Variants in EID2B observed in about 807,000 individuals in gnomAD.
EID2B encodes the protein EP300 interacting inhibitor of differentiation 2B, also known as EP300-interacting inhibitor of differentiation 2B.
Under a neutral mutation model 5.9 loss-of-function variants are expected in EID2B, and 6 were observed. The observed-to-expected ratio is 1.01, with a 90% CI of 0.55 to 2.00. The LOEUF is 2.00. Ranked by LOEUF, EID2B falls within the 30% of genes most tolerant of loss-of-function variation. The probability of loss-of-function intolerance (pLI) is 0.00; values close to 1 mark genes in which losing one functional copy is unlikely to be tolerated. For synonymous variants in EID2B, 94 were observed against 104.2 expected (o/e 0.90, Z 0.60); for missense variants, 234 against 228.1 (o/e 1.03, Z -0.17).
rs748128687 is a variant in EID2B, at chr19:39,532,496, T to C, written c.307A>G (p.Ser103Gly). The C allele has an allele frequency of 1.2e-6, 2 of 1,614,162 alleles. No individual in the cohort carries two copies. Among genetic ancestry groups the C allele is most frequent in the Non-Finnish European group, 1.7e-6 (2 of 1,180,028 alleles). The stretch of plus-strand genomic sequence containing the variant: ...AGTAATCTGACCGGAATCATGGAGC[T>C]ACCATCCAGATACTCGCGGAACAAC... ...QLLFREYLDG[S>G]SMIPVRLLRD... is the part of the protein sequence containing the mutation. Residue 103 changes from serine (S) to glycine (G), a missense_variant, in exon 1 of 1, where the codon AGC (serine) becomes GGC (glycine). By Grantham distance (56) the Ser-to-Gly change is moderately conservative. Transcript: ENST00000326282.
Position 39,532,658 on chromosome 19 carries a change from G to C in EID2B, c.145C>G (p.Pro49Ala). 6.2e-7 allele frequency: 1 copy of C among 1,606,900 alleles called. No individual in the cohort carries two copies. The highest frequency in any genetic ancestry group is 1.3e-5 in the African/African-American group (1 of 74,884). Residue 49 changes from proline (P) to alanine (A), a missense_variant, in exon 1 of 1, where the codon CCA (proline) becomes GCA (alanine). Pro to Ala is a conservative substitution (Grantham distance 27). Transcript: ENST00000326282. ...ATGGACCGCGCAGCTTCGGCCACTGGGCCTTCCCGAGCCTCCTGCACCCGA... is the reference window on the plus strand; with the variant it reads ...ATGGACCGCGCAGCTTCGGCCACTGCGCCTTCCCGAGCCTCCTGCACCCGA... The part of the protein sequence containing the change: ...GVRVQEAREG[P>A]VAEAARSMAR...
Position 39,532,185 on chromosome 19 carries a change from T to G in EID2B, c.*132A>C, listed in dbSNP as rs771714112. The G allele has an allele frequency of 4.7e-5, 50 of 1,064,146 alleles. No individual in the cohort carries two copies. The highest frequency in any genetic ancestry group is 6.3e-5 in the Non-Finnish European group (47 of 745,426). The allele number at this position is 1,064,146 out of a possible 1,614,324, so 65.9% of individuals were successfully genotyped here. A position where few individuals can be genotyped will look rare whatever the true frequency, so the allele number is the denominator to read the frequency against. Reference sequence around the variant, plus strand: ...TGTGCTTCCTCCTTCAATTGCACATTGCCGTATTCCCTTCCAGTTTGCATT... The same window carrying G: ...TGTGCTTCCTCCTTCAATTGCACATGGCCGTATTCCCTTCCAGTTTGCATT... On this transcript the variant is annotated 3_prime_UTR_variant, in exon 1 of 1. Coordinates refer to ENST00000326282, the MANE Select transcript of EID2B (RefSeq NM_152361.3).
At position 39,532,476 on chromosome 19, in the gene EID2B, T is replaced by A. The variant is rs1347028892; in HGVS notation, c.327A>T (p.Arg109Ser). 6.2e-7 allele frequency: 1 copy of A among 1,614,198 alleles called. No individual in the cohort carries two copies. Among genetic ancestry groups the A allele is most frequent in the Admixed American group, 1.7e-5 (1 of 60,028 alleles). Reference sequence around the variant, plus strand: ...GGCGTTCCTCGAAATCCCGTAGTAATCTGACCGGAATCATGGAGCTACCAT... The same window carrying A: ...GGCGTTCCTCGAAATCCCGTAGTAAACTGACCGGAATCATGGAGCTACCAT... The part of the protein sequence containing the change: ...YLDGSSMIPV[R>S]LLRDFEERRR... Residue 109 changes from arginine (R) to serine (S), a missense_variant, in exon 1 of 1, where the codon AGA (arginine) becomes AGT (serine). Arg to Ser is a moderately radical substitution (Grantham distance 110). Transcript: ENST00000326282.
chr19:39,532,640 G>GC lies in EID2B; in HGVS notation c.162dup (p.Arg55AlafsTer37). 1 of 1,607,872 alleles carries GC rather than the reference G, an allele frequency of 6.2e-7. No homozygotes were observed. The highest frequency in any genetic ancestry group is 8.5e-7 in the Non-Finnish European group (1 of 1,177,234). Reference sequence around the variant, plus strand: ...GGGCCCGGCATCCGCGCCATGGACCGCGCAGCTTCGGCCACTGGGCCTTCC... The same window carrying GC: ...GGGCCCGGCATCCGCGCCATGGACCGCCGCAGCTTCGGCCACTGGGCCTTCC... On this transcript the variant is annotated frameshift_variant, in exon 1 of 1. Coordinates refer to ENST00000326282, the MANE Select transcript of EID2B (RefSeq NM_152361.3). LOFTEE classifies it high-confidence loss of function.
rs764740279 is a variant in EID2B, at chr19:39,532,547, C to T, written c.256G>A (p.Ala86Thr). The change falls in exon 1 of 1, where the codon GCT (alanine) becomes ACT (threonine). Residue 86 changes from alanine (A) to threonine (T), a missense_variant. Transcript: ENST00000326282. ...AGCTGCCGGTTAATTTCTAAGAAAG[C>T]GAGCTGCTGATGGGGGTCTGGCGCG... ...ASAPDPHQQLAFLEINRQLLF... is the reference protein window; with the variant it reads ...ASAPDPHQQLTFLEINRQLLF... 8 of 1,614,072 alleles carry T rather than the reference C, an allele frequency of 5.0e-6. No individual in the cohort carries two copies. The Admixed American group carries it at 1.2e-4, about 24-fold the overall frequency.
Position 39,532,562 on chromosome 19 carries a change from G to C in EID2B, c.241C>G (p.Pro81Ala). The stretch of plus-strand genomic sequence containing the variant: ...TCTAAGAAAGCGAGCTGCTGATGGG[G>C]GTCTGGCGCGGAGGCCAGGCCCGGG... ...SVPGLASAPD[P>A]HQQLAFLEIN... The change falls in exon 1 of 1, where the codon CCC becomes GCC. Residue 81 changes from proline to alanine, a missense_variant. Transcript: ENST00000326282. The C allele has an allele frequency of 6.2e-7, 1 of 1,613,838 alleles. No individual in the cohort carries two copies. Among genetic ancestry groups the C allele is most frequent in the Non-Finnish European group, 8.5e-7 (1 of 1,180,008 alleles).
At position 39,532,761 on chromosome 19, in the gene EID2B, G is replaced by A. The variant is rs778891784; in HGVS notation, c.42C>T (p.Pro14=). 3.1e-6 allele frequency: 5 copies of A among 1,611,440 alleles called. No homozygotes were observed. The highest frequency in any genetic ancestry group is 1.3e-5 in the African/African-American group (1 of 74,932). ...CCACCTGTGGGACACTGCTATCTCC[G>A]GGGAGCTCGGACATCTCCAACAGCC... ...PTGLLEMSEL[P]GDSSVPQVGT... The change falls in exon 1 of 1, where the codon CCC becomes CCT. Residue 14 remains proline (P), a synonymous_variant. Transcript: ENST00000326282.
In EID2B at chr19:39,532,393, G is replaced by A. The variant is rs1971973139; in HGVS notation, c.410C>T (p.Pro137Leu). The change falls in exon 1 of 1, where the codon CCG becomes CTG. Residue 137 changes from proline (P) to leucine (L), a missense_variant. Transcript: ENST00000326282. ...CGCGACAGCAGCGAAGTCCATCTGC[G>A]GGGGATCCGCGTCAAAGGCTGCTTC... ...AREAAFDADP[P>L]QMDFAAVAFT... 2.5e-6 allele frequency: 4 copies of A among 1,614,048 alleles called. No homozygotes were observed. The highest frequency in any genetic ancestry group is 2.2e-5 in the South Asian group (2 of 91,092).
rs1971966269 is a variant in EID2B, at chr19:39,531,877, G to C, written c.*440C>G. 6.5e-6 allele frequency: 1 copy of C among 153,666 alleles called. No individual in the cohort carries two copies. Among genetic ancestry groups the C allele is most frequent in the African/African-American group, 2.4e-5 (1 of 41,374 alleles). The allele number at this position is 153,666 out of a possible 1,614,324, so 9.5% of individuals were successfully genotyped here. A position where few individuals can be genotyped will look rare whatever the true frequency, so the allele number is the denominator to read the frequency against. On this transcript the variant is annotated 3_prime_UTR_variant, in exon 1 of 1. Transcript: ENST00000326282. ...TCTTTGCAAAACCATCCTTTATGGT[G>C]AAAGTCATGAAGGATTCTTCACAAA...
chr19:39,531,890 G>T lies in EID2B; in HGVS notation c.*427C>A, dbSNP rs574017925. On this transcript the variant is annotated 3_prime_UTR_variant, in exon 1 of 1. Coordinates refer to ENST00000326282, the MANE Select transcript of EID2B (RefSeq NM_152361.3). ...ATCCTTTATGGTGAAAGTCATGAAG[G>T]ATTCTTCACAAATGCAGGAAAATGC... 27 of 155,772 alleles carry T rather than the reference G, an allele frequency of 1.7e-4. No individual in the cohort carries two copies. In the South Asian group the frequency reaches 5.3e-3, roughly 31 times the overall value. The allele number at this position is 155,772 out of a possible 1,614,324, so 9.6% of individuals were successfully genotyped here.
chr19:39,532,702 C>T lies in EID2B; in HGVS notation c.101G>A (p.Gly34Glu). The stretch of plus-strand genomic sequence containing the variant: ...CACCCGAACCCCGCCGCCGACTGCC[C>T]CCCGCAGTACGTCGCTGACGCCACT... The part of the protein sequence containing the change: ...TASGVSDVLR[G>E]AVGGGVRVQE... Residue 34 changes from glycine (G) to glutamate (E), a missense_variant, in exon 1 of 1, where the codon GGG (glycine) becomes GAG (glutamate). Transcript: ENST00000326282. The T allele has an allele frequency of 6.2e-7, 1 of 1,608,824 alleles. No individual in the cohort carries two copies. The highest frequency in any genetic ancestry group is 8.5e-7 in the Non-Finnish European group (1 of 1,178,320).
chr19:39,532,607 C>A lies in EID2B; in HGVS notation c.196G>T (p.Gly66Trp), dbSNP rs772367081. Residue 66 changes from glycine to tryptophan, a missense_variant, in exon 1 of 1, where the codon GGG becomes TGG. Coordinates refer to ENST00000326282, the MANE Select transcript of EID2B (RefSeq NM_152361.3). ...SMARMPGPVP[G>W]PIPSSVPGLA... ...CCCGGGACGCTGCTGGGGATGGGCC[C>A]GGGCACAGGGCCCGGCATCCGCGCC... 1.9e-6 allele frequency: 3 copies of A among 1,611,138 alleles called. No individual in the cohort carries two copies. In the South Asian group the frequency reaches 3.3e-5, roughly 18 times the overall value.
chr19:39,531,488 TGA>T lies in EID2B; in HGVS notation c.*827_*828del, dbSNP rs1971961989. On this transcript the variant is annotated 3_prime_UTR_variant, in exon 1 of 1. Transcript: ENST00000326282. ...GCGCCCGGCCGATACTTTTTTTTGT[TGA>T]GTCTTGTGAATAGAATACATATTCT... 1.3e-5 allele frequency: 2 copies of T among 152,206 alleles called. No individual in the cohort carries two copies. The highest frequency in any genetic ancestry group is 4.8e-5 in the African/African-American group (2 of 41,458). 9.4% of individuals were successfully genotyped at this position (152,206 alleles called of 1,614,324 possible). A position where few individuals can be genotyped will look rare whatever the true frequency, so the allele number is the denominator to read the frequency against.
In EID2B at chr19:39,531,493, C is replaced by G. The variant is rs557411944; in HGVS notation, c.*824G>C. On this transcript the variant is annotated 3_prime_UTR_variant, in exon 1 of 1. Coordinates refer to ENST00000326282, the MANE Select transcript of EID2B (RefSeq NM_152361.3). ...CGGCCGATACTTTTTTTTGTTGAGT[C>G]TTGTGAATAGAATACATATTCTAGA... 1 of 152,194 alleles carries G rather than the reference C, an allele frequency of 6.6e-6. No individual in the cohort carries two copies. The highest frequency in any genetic ancestry group is 2.4e-5 in the African/African-American group (1 of 41,518). 9.4% of individuals were successfully genotyped at this position (152,194 alleles called of 1,614,324 possible).
At position 39,532,663 on chromosome 19, in the gene EID2B, T is replaced by C. The variant is rs868278339; in HGVS notation, c.140A>G (p.Glu47Gly). Residue 47 changes from glutamate to glycine, a missense_variant, in exon 1 of 1, where the codon GAA becomes GGA. Glu to Gly is a moderately conservative substitution (Grantham distance 98). Transcript: ENST00000326282. ...GGGVRVQEAR[E>G]GPVAEAARSM... ...CCGCGCAGCTTCGGCCACTGGGCCT[T>C]CCCGAGCCTCCTGCACCCGAACCCC... 1 of 1,607,338 alleles carries C rather than the reference T, an allele frequency of 6.2e-7. No individual in the cohort carries two copies. The highest frequency in any genetic ancestry group is 1.7e-4 in the Middle Eastern group (1 of 5,962).
At position 39,532,739 on chromosome 19, in the gene EID2B, C is replaced by G. The variant is rs760352755; in HGVS notation, c.64G>C (p.Val22Leu). Residue 22 changes from valine to leucine, a missense_variant, in exon 1 of 1, where the codon GTG becomes CTG. Transcript: ENST00000326282. ...ELPGDSSVPQ[V>L]GTASGVSDVL... ...TCGCTGACGCCACTCGCGGTGCCCA[C>G]CTGTGGGACACTGCTATCTCCGGGG... is the stretch of plus-strand genomic sequence containing the variant. 1.9e-6 allele frequency: 3 copies of G among 1,611,872 alleles called. No homozygotes were observed. The East Asian group carries it at 6.7e-5, about 36-fold the overall frequency.
chr19:39,532,542 G>A lies in EID2B; in HGVS notation c.261C>T (p.Phe87=). 1 of 1,614,098 alleles carries A rather than the reference G, an allele frequency of 6.2e-7. No individual in the cohort carries two copies. The highest frequency in any genetic ancestry group is 8.5e-7 in the Non-Finnish European group (1 of 1,180,034). The change falls in exon 1 of 1, where the codon TTC becomes TTT. Residue 87 remains phenylalanine, a synonymous_variant. Coordinates refer to ENST00000326282, the MANE Select transcript of EID2B (RefSeq NM_152361.3). ...ACAACAGCTGCCGGTTAATTTCTAA[G>A]AAAGCGAGCTGCTGATGGGGGTCTG... The part of the protein sequence containing the change: ...SAPDPHQQLA[F]LEINRQLLFR...
In EID2B at chr19:39,531,618, T is replaced by C. The variant is rs1971963448; in HGVS notation, c.*699A>G. The C allele has an allele frequency of 6.6e-6, 1 of 152,258 alleles. No homozygotes were observed. The highest frequency in any genetic ancestry group is 2.4e-5 in the African/African-American group (1 of 41,468). The allele number at this position is 152,258 out of a possible 1,614,324, so 9.4% of individuals were successfully genotyped here. On this transcript the variant is annotated 3_prime_UTR_variant, in exon 1 of 1. Transcript: ENST00000326282. The stretch of plus-strand genomic sequence containing the variant: ...CACTGATCATATAATACGTGGTTTT[T>C]TCTATTGAATATTTACTGTTCATCT...
At position 39,532,792 on chromosome 19, in the gene EID2B, G is replaced by T; in HGVS notation, c.11C>A (p.Pro4Gln). 2 of 1,610,234 alleles carry T rather than the reference G, an allele frequency of 1.2e-6. No homozygotes were observed. Among genetic ancestry groups the T allele is most frequent in the Non-Finnish European group, 1.7e-6 (2 of 1,179,896 alleles). Residue 4 changes from proline (P) to glutamine (Q), a missense_variant, in exon 1 of 1, where the codon CCG becomes CAG. Coordinates refer to ENST00000326282, the MANE Select transcript of EID2B (RefSeq NM_152361.3). ...CTCGGACATCTCCAACAGCCCAGTC[G>T]GCTCCGCCATAGTCCCAGCGTTTCT... is the stretch of plus-strand genomic sequence containing the variant. Reference protein sequence around the residue: MAEPTGLLEMSELP... With the variant: MAEQTGLLEMSELP...
Sources: allele counts gnomAD v4.1 joint callset, GRCh38; gene constraint gnomAD v4.1.1; transcripts MANE v1.5; gene names NCBI Gene and HGNC (gene_info 2026-07-23, HGNC 2026-07-21).